Variants in PCDH9 observed in about 807,000 individuals in gnomAD.
PCDH9 encodes the protein protocadherin 9, also known as protocadherin-9.
A neutral mutation model predicts 70.6 loss-of-function variants in PCDH9; 24 were observed. The observed-to-expected ratio is 0.34, with a 90% confidence interval of 0.25 to 0.48. The LOEUF is 0.48. Among genes scored for constraint, PCDH9 ranks in the 20% least tolerant of loss-of-function variants. The probability of loss-of-function intolerance (pLI) is 0.99; values close to 1 mark genes in which losing one functional copy is unlikely to be tolerated. For synonymous variants in PCDH9, 562 were observed against 558.5 expected, an observed-to-expected ratio of 1.01 and a Z score of -0.09; for missense variants, 1,281 against 1,503.6, an observed-to-expected ratio of 0.85 and a Z score of 2.45.
intron 2 of PCDH9, among the ~76,000 whole-genome samples, chr13:66,964,636 G>A (rs916517539): frequency 2.6e-5 from 4 of 151,730 alleles, no homozygotes; most frequent in African/African-American, 9.7e-5. Context: ...ATATTCTTCA[G>A]GATTCTAACA....
At position 66,859,772 on chromosome 13, in the gene PCDH9, C is replaced by T. The variant is rs116221781; in HGVS notation, c.3138+43732G>A. ...AATTATATAATCCATGAAGAAGGTACATGCGGAGAATTCATGCTGGTGTCA... is the reference window on the plus strand; with the variant it reads ...AATTATATAATCCATGAAGAAGGTATATGCGGAGAATTCATGCTGGTGTCA... On this transcript the variant is annotated intron_variant, in intron 3 of 4. Transcript: ENST00000377865. Among the ~76,000 whole-genome samples the T allele has an allele frequency of 2.7e-3, 408 of 152,214 alleles. 1 individual carries two copies. The highest frequency in any genetic ancestry group is 8.9e-3 in the African/African-American group (368 of 41,528).
intron 2 of PCDH9, among the ~76,000 whole-genome samples, chr13:66,950,359 G>T (rs1268679330): frequency 6.6e-6 from 1 of 152,060 alleles, no homozygotes; most frequent in Admixed American, 6.6e-5. Context: ...CTTCAGAAAT[G>T]CTAATTTCCT....
chr13:66,360,481 G>T (rs930573), intron 4 of PCDH9, among the ~76,000 whole-genome samples: 4 of 151,820 alleles, frequency 2.6e-5, no homozygotes, highest in Non-Finnish European at 5.9e-5. Context: ...TTAAAACTCA[G>T]AGGTTTTCTT....
chr13:67,218,454 T>C (rs2138107983), intron 2 of PCDH9: 1 of 152,218 alleles, frequency 6.6e-6, no homozygotes, highest in South Asian at 2.1e-4. Context: ...CCAAATAGTC[T>C]GCAATCCATT....
chr13:66,992,631 G>GTT (rs796886975), intron 2 of PCDH9, among the ~76,000 whole-genome samples: 79 of 152,076 alleles, frequency 5.2e-4, no homozygotes, highest in African/African-American at 1.9e-3. Context: ...GTAATGGTTG[G>GTT]TTATATATTT....
chr13:67,127,385 C>T (rs2087002894), intron 2 of PCDH9, among the ~76,000 whole-genome samples: 1 of 152,066 alleles, frequency 6.6e-6, no homozygotes, highest in African/African-American at 2.4e-5. Flanking sequence ...TGGGGATCTG[C>T]TCGTGGAGTG....
At chr13:66,459,069 G>A (rs1958371017) in intron 4 of PCDH9, among the ~76,000 whole-genome samples, 1 of 151,928 alleles carries the variant, frequency 6.6e-6, no homozygotes, top group African/African-American at 2.4e-5. Flanking sequence ...CTGCTTTTGA[G>A]TCTTAAAAAT....
rs56280836 is a variant in PCDH9 at position 66,681,950 on chromosome 13, CAT to C, written c.3139-50541_3139-50540del. Among the ~76,000 whole-genome samples, 106 of 130,246 alleles carry C rather than the reference CAT, an allele frequency of 8.1e-4. 1 individual carries two copies. Among genetic ancestry groups the C allele is most frequent in the African/African-American group, 1.8e-3 (57 of 32,202 alleles). 85.4% of individuals were successfully genotyped at this position (130,246 alleles called of 152,430 possible). ...CTGGGTACATATGAGTATATACAAA[CAT>C]ATATATATATATATATTTGAGAGAT... On this transcript the variant is annotated intron_variant, in intron 3 of 4. Transcript: ENST00000377865.
At chr13:67,031,851 G>T (rs2084913483) in intron 2 of PCDH9, among the ~76,000 whole-genome samples, 1 of 152,080 alleles carries the variant, frequency 6.6e-6, no homozygotes, top group South Asian at 2.1e-4. Context: ...TTGTTCCATT[G>T]TCAAGAGAAG....
chr13:66,731,646 T>C (rs1180300148), intron 3 of PCDH9, among the ~76,000 whole-genome samples: 1 of 152,116 alleles, frequency 6.6e-6, no homozygotes, highest in Non-Finnish European at 1.5e-5. Flanking sequence ...CACTTTGAAC[T>C]GAATTTAGAT....
At chr13:66,917,725 C>A (rs577651385) in intron 2 of PCDH9, among the ~76,000 whole-genome samples, 7 of 151,448 alleles carry the variant, frequency 4.6e-5, no homozygotes, top group Admixed American at 2.6e-4. Flanking sequence ...TATTCCCTTA[C>A]TAAAATGCCT....
intron 2 of PCDH9, among the ~76,000 whole-genome samples, chr13:66,923,396 T>A (rs1308865960): frequency 6.6e-6 from 1 of 151,618 alleles, no homozygotes; most frequent in Non-Finnish European, 1.5e-5. Context: ...TTCTAAAAAT[T>A]TTGTATTCAA....
intron 2 of PCDH9, among the ~76,000 whole-genome samples, chr13:66,951,564 G>A (rs892521137): frequency 6.6e-6 from 1 of 152,142 alleles, no homozygotes; most frequent in Admixed American, 6.6e-5. Flanking sequence ...AATGCTGGGG[G>A]AGTGAACTGG....
intron 2 of PCDH9, among the ~76,000 whole-genome samples, chr13:67,185,423 T>A (rs2088727492): frequency 6.6e-6 from 1 of 152,328 alleles, no homozygotes; most frequent in African/African-American, 2.4e-5. Flanking sequence ...ATGTAAGAAA[T>A]TTTAAAATGT....
intron 4 of PCDH9, among the ~76,000 whole-genome samples, chr13:66,408,355 C>T (rs1222286598): frequency 3.9e-5 from 6 of 152,204 alleles, no homozygotes; most frequent in Non-Finnish European, 8.8e-5. Flanking sequence ...GGAATTGTCT[C>T]CATTCCCAAT....
At chr13:66,809,295 A>C (rs1289718347) in intron 3 of PCDH9, among the ~76,000 whole-genome samples, 1 of 152,138 alleles carries the variant, frequency 6.6e-6, no homozygotes, top group Non-Finnish European at 1.5e-5. Context: ...TAGGTATAAA[A>C]ATTACCGTGT....
intron 2 of PCDH9, among the ~76,000 whole-genome samples, chr13:67,178,065 G>T (rs1482950286): frequency 6.6e-6 from 1 of 151,930 alleles, no homozygotes; most frequent in Non-Finnish European, 1.5e-5. Flanking sequence ...ATACAAACAG[G>T]CACTAAATGC....
chr13:66,504,608 C>T (rs893918995), intron 4 of PCDH9, among the ~76,000 whole-genome samples: 4 of 152,126 alleles, frequency 2.6e-5, no homozygotes, highest in African/African-American at 9.7e-5. Flanking sequence ...ATTCATACAT[C>T]GATAGACTGA....
At chr13:66,308,336 C>G (rs1955504502) in intron 4 of PCDH9, among the ~76,000 whole-genome samples, 1 of 152,012 alleles carries the variant, frequency 6.6e-6, no homozygotes, top group Non-Finnish European at 1.5e-5. Context: ...ATTACTTGTT[C>G]TTTGTACATT....
Sources: allele counts gnomAD v4.1 joint callset (sites outside exome capture counted in the v4.1 genomes callset), GRCh38; gene constraint gnomAD v4.1.1; transcripts MANE v1.5; gene names NCBI Gene and HGNC (gene_info 2026-07-23, HGNC 2026-07-21).